Variants in CAMKMT observed in about 807,000 individuals in gnomAD.
CAMKMT encodes calmodulin-lysine N-methyltransferase.
A neutral mutation model predicts 48.0 loss-of-function variants in CAMKMT; 53 were observed. That is an observed-to-expected ratio of 1.10 (90% CI 0.89 to 1.39). CAMKMT has a LOEUF of 1.39. Among genes scored for constraint, CAMKMT ranks in the 40% most tolerant of loss-of-function variants. The pLI, the probability that CAMKMT is intolerant of heterozygous loss-of-function variation, is 0.00. For missense variants in CAMKMT, 428 were observed against 402.7 expected, an observed-to-expected ratio of 1.06 and a Z score of -0.54; for synonymous variants, 165 against 152.3, an observed-to-expected ratio of 1.08 and a Z score of -0.61.
chr2:44,472,696 G>T (rs572498685), intron 3 of CAMKMT, among the ~76,000 whole-genome samples: 1 of 152,322 alleles, frequency 6.6e-6, no homozygotes, highest in East Asian at 1.9e-4. Flanking sequence ...TAGGAAAGAA[G>T]AAATTGCTTT....
At chr2:44,727,660 G>A (rs1678861341) in intron 7 of CAMKMT, among the ~76,000 whole-genome samples, 1 of 152,190 alleles carries the variant, frequency 6.6e-6, no homozygotes, top group Non-Finnish European at 1.5e-5. Context: ...TAGGAGTGGT[G>A]AGACTGGGAA....
At chr2:44,421,587 A>T (rs1356332548) in intron 3 of CAMKMT, among the ~76,000 whole-genome samples, 1 of 152,192 alleles carries the variant, frequency 6.6e-6, no homozygotes, top group African/African-American at 2.4e-5. Flanking sequence ...GATGGGTGAA[A>T]AAAATTATCT....
chr2:44,498,309 C>T (rs12465159), intron 3 of CAMKMT, among the ~76,000 whole-genome samples: 10,326 of 152,082 alleles, frequency 0.068, 491 homozygotes, highest in Non-Finnish European at 0.1. Flanking sequence ...GGTGATGACC[C>T]ATGTCAAATA....
chr2:44,372,876 G>T lies in CAMKMT; in HGVS notation c.299G>T (p.Ser100Ile). The change falls in exon 2 of 11, where the codon AGT becomes ATT. Residue 100 changes from serine (S) to isoleucine (I), a missense_variant. Coordinates refer to ENST00000378494, the MANE Select transcript of CAMKMT (RefSeq NM_024766.5). Reference sequence around the variant, plus strand: ...ACAAGCATCTTCTGTCCTGAATACAGTATCTCCTTAAGGTAACCATTATTC... The same window carrying T: ...ACAAGCATCTTCTGTCCTGAATACATTATCTCCTTAAGGTAACCATTATTC... Reference protein sequence around the residue: ...QYTSIFCPEYSISLRHNSGSL... With the variant: ...QYTSIFCPEYIISLRHNSGSL... 7 of 1,612,866 alleles carry T rather than the reference G, an allele frequency of 4.3e-6. No homozygotes were observed. Among genetic ancestry groups the T allele is most frequent in the South Asian group, 2.2e-5 (2 of 90,840 alleles).
intron 10 of CAMKMT, among the ~76,000 whole-genome samples, chr2:44,771,700 C>T (rs1467164385): frequency 6.6e-6 from 1 of 152,088 alleles, no homozygotes. Context: ...GTACAGAGAG[C>T]AGAAACTTCT....
intron 3 of CAMKMT, among the ~76,000 whole-genome samples, chr2:44,522,517 G>T (rs1046288338): frequency 6.6e-6 from 1 of 152,238 alleles, no homozygotes; most frequent in African/African-American, 2.4e-5. Context: ...ATCACAGGAG[G>T]TCTTCTACAC....
At chr2:44,381,687 A>G (rs945131091) in intron 2 of CAMKMT, among the ~76,000 whole-genome samples, 2 of 152,212 alleles carry the variant, frequency 1.3e-5, no homozygotes, top group African/African-American at 4.8e-5. Context: ...ACTGTTTATA[A>G]TACATACTTT....
chr2:44,505,894 G>A (rs867130619), intron 3 of CAMKMT, among the ~76,000 whole-genome samples: 1 of 151,494 alleles, frequency 6.6e-6, no homozygotes. Context: ...TTGAGACAGA[G>A]TCTGGCTCTG....
At chr2:44,615,171 C>T (rs1044845568) in intron 3 of CAMKMT, among the ~76,000 whole-genome samples, 1 of 151,858 alleles carries the variant, frequency 6.6e-6, no homozygotes, top group Non-Finnish European at 1.5e-5. Context: ...AGTGATCCCC[C>T]GACCTCAGCC....
At chr2:44,544,570 C>G (rs1667293854) in intron 3 of CAMKMT, among the ~76,000 whole-genome samples, 1 of 152,216 alleles carries the variant, frequency 6.6e-6, no homozygotes, top group African/African-American at 2.4e-5. Flanking sequence ...TGTAGCTAGG[C>G]TTTCTGTTAA....
At chr2:44,425,566 T>G (rs919710099) in intron 3 of CAMKMT, among the ~76,000 whole-genome samples, 1 of 152,192 alleles carries the variant, frequency 6.6e-6, no homozygotes, top group Non-Finnish European at 1.5e-5. Flanking sequence ...GTTTATAAGA[T>G]TGATCCTTCA....
chr2:44,729,694 G>A (rs887365861), intron 7 of CAMKMT, among the ~76,000 whole-genome samples: 7 of 152,122 alleles, frequency 4.6e-5, no homozygotes, highest in South Asian at 2.1e-4. Flanking sequence ...TGGAAGAGTT[G>A]AGCATGTGAT....
At chr2:44,766,598 C>G (rs753043548) in intron 10 of CAMKMT, 37 bp downstream of exon 10, 2 of 1,607,694 alleles carry the variant, frequency 1.2e-6, no homozygotes, top group South Asian at 2.2e-5. Flanking sequence ...CACTTTAATC[C>G]GCATTGCATT....
chr2:44,570,885 A>C (rs1263280255), intron 3 of CAMKMT, among the ~76,000 whole-genome samples: 1 of 152,198 alleles, frequency 6.6e-6, no homozygotes, highest in African/African-American at 2.4e-5. Context: ...TTATTGTTAC[A>C]TATTTTAGCT....
chr2:44,693,090 C>G (rs1238915637), intron 3 of CAMKMT, among the ~76,000 whole-genome samples: 1 of 152,162 alleles, frequency 6.6e-6, no homozygotes, highest in African/African-American at 2.4e-5. Context: ...AATCTTTCCA[C>G]TTTTCTTCAT....
chr2:44,514,667 G>C (rs1186550297), intron 3 of CAMKMT, among the ~76,000 whole-genome samples: 1 of 152,170 alleles, frequency 6.6e-6, no homozygotes, highest in Non-Finnish European at 1.5e-5. Context: ...CTTGTTCACT[G>C]CTCTGTTTCC....
intron 3 of CAMKMT, among the ~76,000 whole-genome samples, chr2:44,681,070 T>C (rs893843124): frequency 2.3e-4 from 35 of 152,234 alleles, no homozygotes; most frequent in African/African-American, 7.7e-4. Context: ...TAAACTCTTA[T>C]TCTTTTGCCC....
intron 3 of CAMKMT, among the ~76,000 whole-genome samples, chr2:44,559,053 A>C (rs1305891924): frequency 2.0e-5 from 3 of 152,188 alleles, no homozygotes; most frequent in Non-Finnish European, 4.4e-5. Flanking sequence ...TCTATCATCT[A>C]TCTAGAATCC....
intron 3 of CAMKMT, among the ~76,000 whole-genome samples, chr2:44,397,185 A>G (rs1681933506): frequency 1.3e-5 from 2 of 152,244 alleles, no homozygotes; most frequent in Admixed American, 1.3e-4. Context: ...ATAAGGAATC[A>G]GAGATCAAAT....
Sources: allele counts gnomAD v4.1 joint callset (sites outside exome capture counted in the v4.1 genomes callset), GRCh38; gene constraint gnomAD v4.1.1; transcripts MANE v1.5; gene names NCBI Gene and HGNC (gene_info 2026-07-23, HGNC 2026-07-21).